STK31: variants seen among roughly 807,000 people sequenced by gnomAD.
STK31 encodes the protein serine/threonine kinase 31.
Under a neutral mutation model 129.7 loss-of-function variants are expected in STK31, and 89 were observed. The ratio of observed to expected loss-of-function variants is 0.69; its 90% CI spans 0.58 to 0.82. The LOEUF (loss-of-function observed/expected upper bound fraction) is 0.82, where lower values mean the gene tolerates loss of function less well. STK31 is among the 40% of genes least tolerant of loss of function. The pLI is 0.00. For synonymous variants in STK31, 448 were observed against 395.3 expected (o/e 1.13, Z -1.58); for missense variants, 1,187 against 1,176.4 (o/e 1.01, Z -0.13).
chr7:23,734,112 G>T (rs1429946421), intron 6 of STK31, among the ~76,000 whole-genome samples: 3 of 152,092 alleles, frequency 2.0e-5, no homozygotes, highest in Non-Finnish European at 4.4e-5. Flanking sequence ...GTGGTTTTTA[G>T]TGTGTTTTTA....
chr7:23,730,880 T>TATATATATATATATATATATATA (rs1562555173), intron 6 of STK31, among the ~76,000 whole-genome samples: 1 of 40,220 alleles, frequency 2.5e-5, no homozygotes, highest in South Asian at 1.2e-3. Context: ...ATATATATAT[T>TATATATATATATATATATATATA]TTTTTTTTTT....
chr7:23,736,382 A>G (rs1787718851), intron 7 of STK31, among the ~76,000 whole-genome samples: 1 of 152,130 alleles, frequency 6.6e-6, no homozygotes, highest in Admixed American at 6.5e-5. Context: ...ATTTTAAATT[A>G]TCAACTTGAA....
intron 3 of STK31, among the ~76,000 whole-genome samples, chr7:23,714,236 A>G (rs1219491917): frequency 6.6e-6 from 1 of 152,174 alleles, no homozygotes; most frequent in African/African-American, 2.4e-5. Flanking sequence ...TATTTGGCAA[A>G]TTTGTTTCTG....
intron 22 of STK31, among the ~76,000 whole-genome samples, chr7:23,792,962 C>T (rs1215216281): frequency 6.6e-6 from 1 of 152,186 alleles, no homozygotes; most frequent in African/African-American, 2.4e-5. Context: ...TTTAAGGCTA[C>T]AGTAAGCTAT....
At chr7:23,722,689 A>T (rs1475972850) in intron 4 of STK31, 2 of 152,364 alleles carry the variant, frequency 1.3e-5, no homozygotes, top group African/African-American at 4.8e-5. Context: ...CCAGAGGTGG[A>T]GTCTACAGAG....
intron 8 of STK31, among the ~76,000 whole-genome samples, chr7:23,749,196 C>T (rs367579669): frequency 7.2e-5 from 11 of 152,198 alleles, no homozygotes; most frequent in African/African-American, 1.9e-4. Flanking sequence ...CATTATGATG[C>T]GTAGCATATT....
rs569739730 is a variant in STK31, at chr7:23,739,403, T to G, written c.1017+2325T>G. On this transcript the variant is annotated intron_variant, in intron 8 of 23. Transcript: ENST00000355870. Reference sequence around the variant, plus strand: ...TTGTCAGATGGACAGATTGCAAAAATTTTCTCCCATTCTGTAGGTTGCCTG... The same window carrying G: ...TTGTCAGATGGACAGATTGCAAAAAGTTTCTCCCATTCTGTAGGTTGCCTG... Among the ~76,000 whole-genome samples the G allele has an allele frequency of 3.5e-4, 54 of 152,286 alleles. 1 individual carries two copies. The highest frequency in any genetic ancestry group is 1.0e-3 in the African/African-American group (42 of 41,572).
At position 23,828,470 on chromosome 7, in the gene STK31, C is replaced by T. The variant is rs561087590; in HGVS notation, c.2830-3666C>T. ...GCGCAGTATTAGGGTGGGAGTGACC[C>T]GATTTTCCAGGTGCCATCTGTCGCC... On this transcript the variant is annotated intron_variant, in intron 23 of 23. Coordinates refer to ENST00000355870, the MANE Select transcript of STK31 (RefSeq NM_031414.5). 4.6e-5 allele frequency among the ~76,000 whole-genome samples: 7 copies of T among 152,310 alleles called. No homozygotes were observed. In the East Asian group the frequency reaches 7.7e-4, roughly 17 times the overall value.
In STK31 at chr7:23,758,842, C is replaced by T. The variant is rs1267397868; in HGVS notation, c.1294-3959C>T. On this transcript the variant is annotated intron_variant, in intron 10 of 23. Transcript: ENST00000355870. ...AAATGCCCCAATTAAAAGACACAGA[C>T]TGGCAAATTAGCTAAGTGGTCAAGA... Among the ~76,000 whole-genome samples the T allele has an allele frequency of 3.9e-5, 6 of 152,272 alleles. No individual in the cohort carries two copies. The East Asian group carries it at 9.6e-4, about 24-fold the overall frequency.
In STK31 at chr7:23,716,383, G is replaced by A. The variant is rs533227935; in HGVS notation, c.151-1098G>A. Among the ~76,000 whole-genome samples, 14 of 152,172 alleles carry A rather than the reference G, an allele frequency of 9.2e-5. 1 individual carries two copies. In the South Asian group the frequency reaches 2.9e-3, roughly 32 times the overall value. On this transcript the variant is annotated intron_variant, in intron 3 of 23. Transcript: ENST00000355870. ...TAACCTTGATTCACTTGGGTAAGGTGGCAACTTCCAGGTTTTTTCGCTGTA... is the reference window on the plus strand; with the variant it reads ...TAACCTTGATTCACTTGGGTAAGGTAGCAACTTCCAGGTTTTTTCGCTGTA...
intron 17 of STK31, 75 bp from the exon 18 acceptor site, chr7:23,785,403 T>C: frequency 6.4e-7 from 1 of 1,568,250 alleles, no homozygotes; most frequent in East Asian, 2.3e-5. Context: ...TAATATCGTG[T>C]AACTAATTAT....
At chr7:23,747,514 C>T (rs1043552820) in intron 8 of STK31, among the ~76,000 whole-genome samples, 26 of 152,110 alleles carry the variant, frequency 1.7e-4, no homozygotes, top group African/African-American at 5.3e-4. Flanking sequence ...GGACTACAGG[C>T]GCCCGCCACC....
rs966955186 is a variant in STK31, at chr7:23,771,043, A to G, written c.1752A>G (p.Thr584=). The change falls in exon 14 of 24, where the codon ACA becomes ACG. Residue 584 remains threonine, a synonymous_variant. Transcript: ENST00000355870. ...GDADKEIISN[T]YSQVLQKIHS... is the part of the protein sequence containing the mutation. ...CAGACAAGGAGATAATTTCAAATAC[A>G]TATAGTCAAGTACTGCAAAAGATTC... The G allele has an allele frequency of 1.9e-6, 3 of 1,612,518 alleles. No individual in the cohort carries two copies. Among genetic ancestry groups the G allele is most frequent in the African/African-American group, 1.3e-5 (1 of 74,788 alleles).
intron 8 of STK31, among the ~76,000 whole-genome samples, chr7:23,747,875 T>C (rs11971694): frequency 0.27 from 40,862 of 152,046 alleles, 5,753 homozygotes; most frequent in East Asian, 0.39. Context: ...TTAGCCTGGT[T>C]ATAGTGTTAC....
chr7:23,817,554 C>T (rs768772366), intron 23 of STK31, among the ~76,000 whole-genome samples: 1 of 152,162 alleles, frequency 6.6e-6, no homozygotes, highest in Non-Finnish European at 1.5e-5. Flanking sequence ...GTAGTCAGCA[C>T]CTTACAGATA....
intron 21 of STK31, among the ~76,000 whole-genome samples, chr7:23,790,386 A>T (rs1409943513): frequency 1.3e-5 from 2 of 152,172 alleles, no homozygotes; most frequent in South Asian, 2.1e-4. Flanking sequence ...GATTCATGCT[A>T]TTGTCACTGA....
intron 22 of STK31, among the ~76,000 whole-genome samples, chr7:23,800,477 C>T (rs1056651125): frequency 6.6e-6 from 1 of 152,042 alleles, no homozygotes; most frequent in African/African-American, 2.4e-5. Flanking sequence ...CAAACTAACA[C>T]AGGAACAGAA....
At chr7:23,800,547 A>G (rs1005096402) in intron 22 of STK31, among the ~76,000 whole-genome samples, 3 of 152,094 alleles carry the variant, frequency 2.0e-5, no homozygotes. Flanking sequence ...AAGTTGAACA[A>G]TGAGAACATA....
chr7:23,714,782 A>C (rs529263098), intron 3 of STK31, among the ~76,000 whole-genome samples: 81 of 151,278 alleles, frequency 5.4e-4, no homozygotes, highest in African/African-American at 1.8e-3. Flanking sequence ...AAGAGTCAGC[A>C]GTTTTTTTTT....
Sources: allele counts gnomAD v4.1 joint callset (sites outside exome capture counted in the v4.1 genomes callset), GRCh38; gene constraint gnomAD v4.1.1; transcripts MANE v1.5; gene names NCBI Gene and HGNC (gene_info 2026-07-23, HGNC 2026-07-21).